Variants in ENPP1 observed in about 807,000 individuals in gnomAD.
ENPP1 encodes ectonucleotide pyrophosphatase/phosphodiesterase family member 1.
ENPP1 carries 73 observed loss-of-function variants against 122.8 expected under a neutral mutation model. The observed-to-expected ratio is 0.59, with a 90% CI of 0.49 to 0.72. The LOEUF (loss-of-function observed/expected upper bound fraction) is 0.72, where lower values mean the gene tolerates loss of function less well. Among genes scored for constraint, ENPP1 ranks in the 30% least tolerant of loss-of-function variants. ENPP1 has a pLI of 0.00. For missense variants in ENPP1, 978 were observed against 1,128.1 expected (o/e 0.87, Z 1.91); for synonymous variants, 367 against 391.6 (o/e 0.94, Z 0.74).
At chr6:131,845,971 T>C (rs1047168859) in intron 1 of ENPP1, among the ~76,000 whole-genome samples, 6 of 152,152 alleles carry the variant, frequency 3.9e-5, no homozygotes, top group African/African-American at 1.2e-4. Context: ...GGCTAACCTT[T>C]TGCTTTCTTT....
In ENPP1 at chr6:131,893,381, A is replaced by AG. The variant is rs1782498100; in HGVS notation, c.*2871dup. 6.6e-6 allele frequency: 1 copy of AG among 152,306 alleles called. No homozygotes were observed. The highest frequency in any genetic ancestry group is 6.5e-5 in the Admixed American group (1 of 15,288). The allele number at this position is 152,306 out of a possible 1,614,324, so 9.4% of individuals were successfully genotyped here. A position where few individuals can be genotyped will look rare whatever the true frequency, so the allele number is the denominator to read the frequency against. ...CAGGAGGGGTGCCAGGCTGCACAAA[A>AG]GAGACACTGGATGCTTCTTGGTAGT... On this transcript the variant is annotated 3_prime_UTR_variant, in exon 25 of 25. Coordinates refer to ENST00000647893, the MANE Select transcript of ENPP1 (RefSeq NM_006208.3).
chr6:131,868,257 T>A, intron 12 of ENPP1, 131 bp downstream of exon 12: 1 of 667,800 alleles, frequency 1.5e-6, no homozygotes, highest in Non-Finnish European at 2.6e-6. Flanking sequence ...GGACAGTCTT[T>A]AGGAAAAAAA....
chr6:131,883,765 AG>A lies in ENPP1; in HGVS notation c.2303del (p.Ser768IlefsTer43), dbSNP rs758195656. 1 of 1,483,202 alleles carries A rather than the reference AG, an allele frequency of 6.7e-7. No homozygotes were observed. The highest frequency in any genetic ancestry group is 9.4e-7 in the Non-Finnish European group (1 of 1,061,428). 91.9% of individuals were successfully genotyped at this position (1,483,202 alleles called of 1,614,324 possible). A position where few individuals can be genotyped will look rare whatever the true frequency, so the allele number is the denominator to read the frequency against. On this transcript the variant is annotated frameshift_variant, in exon 22 of 25. Coordinates refer to ENST00000647893, the MANE Select transcript of ENPP1 (RefSeq NM_006208.3). LOFTEE classifies it high-confidence loss of function. ...LTTNIVPMYQ[S>X]FQVIWRYFHD... is the part of the protein sequence containing the mutation. ...TACAAATATAGTGCCAATGTACCAG[AG>A]TTTTCAAGGTAAATAATGTTAACTC... is the stretch of plus-strand genomic sequence containing the variant.
intron 1 of ENPP1, among the ~76,000 whole-genome samples, chr6:131,816,016 C>T (rs551461526): frequency 6.0e-5 from 9 of 148,994 alleles, no homozygotes; most frequent in Admixed American, 2.0e-4. Context: ...CCACCACGCC[C>T]GGCTGTATCA....
At chr6:131,875,238 T>G (rs1227853441) in intron 16 of ENPP1, among the ~76,000 whole-genome samples, 1 of 152,180 alleles carries the variant, frequency 6.6e-6, no homozygotes, top group Non-Finnish European at 1.5e-5. Flanking sequence ...AAATTTTATA[T>G]TCATGTTTCA....
intron 17 of ENPP1, 110 bp from the exon 18 acceptor site, chr6:131,876,882 G>C (rs1017916810): frequency 1.1e-6 from 1 of 927,168 alleles, no homozygotes; most frequent in South Asian, 1.4e-5. Flanking sequence ...TTTAGTTAAA[G>C]AGTAAATGAC....
chr6:131,858,858 T>C (rs1251597242), intron 7 of ENPP1, 111 bp downstream of exon 7: 2 of 831,602 alleles, frequency 2.4e-6, no homozygotes, highest in Admixed American at 4.0e-5. Context: ...TTCCAATAGG[T>C]AGTTAAGTAA....
chr6:131,814,668 A>G (rs1422780924), intron 1 of ENPP1, among the ~76,000 whole-genome samples: 1 of 152,202 alleles, frequency 6.6e-6, no homozygotes, highest in East Asian at 1.9e-4. Flanking sequence ...TCTGCTCTTA[A>G]TCAGACTTGG....
At chr6:131,864,781 A>T in intron 10 of ENPP1, 85 bp from the exon 11 acceptor site, 1 of 941,554 alleles carries the variant, frequency 1.1e-6, no homozygotes, top group South Asian at 1.3e-5. Flanking sequence ...ATAAAATTTA[A>T]TCCCTATCAA....
intron 20 of ENPP1, 95 bp from the exon 21 acceptor site, chr6:131,882,250 A>G (rs1782320453): frequency 2.8e-6 from 3 of 1,059,624 alleles, no homozygotes; most frequent in African/African-American, 3.2e-5. Context: ...CTAGAGCTTC[A>G]TAATTTTATG....
intron 2 of ENPP1, among the ~76,000 whole-genome samples, chr6:131,848,206 C>G (rs890763214): frequency 1.3e-5 from 2 of 152,038 alleles, no homozygotes; most frequent in South Asian, 2.1e-4. Context: ...CCCTGGGCAA[C>G]CAGAAACCTG....
At chr6:131,811,271 CTGTGTA>C in intron 1 of ENPP1, among the ~76,000 whole-genome samples, 1 of 152,032 alleles carries the variant, frequency 6.6e-6, no homozygotes. Flanking sequence ...ATCTGTGTAT[CTGTGTA>C]TGTGTAAAGG....
rs1350699977 is a variant in ENPP1 at position 131,808,196 on chromosome 6, A to G, written c.161A>G (p.Asp54Gly). The part of the protein sequence containing the change: ...QAAASLLAPM[D>G]VGEEPLEKAA... ...GCCGCGTCCTTGCTGGCCCCTATGG[A>G]CGTGGGGGAGGAGCCGCTGGAGAAG... The change falls in exon 1 of 25, where the codon GAC (aspartate) becomes GGC (glycine). Residue 54 changes from aspartate (D) to glycine (G), a missense_variant. Transcript: ENST00000647893. 1 of 1,505,664 alleles carries G rather than the reference A, an allele frequency of 6.6e-7. No homozygotes were observed. Among genetic ancestry groups the G allele is most frequent in the South Asian group, 1.3e-5 (1 of 79,058 alleles). 93.3% of individuals were successfully genotyped at this position (1,505,664 alleles called of 1,614,324 possible). A position where few individuals can be genotyped will look rare whatever the true frequency, so the allele number is the denominator to read the frequency against.
intron 1 of ENPP1, among the ~76,000 whole-genome samples, chr6:131,835,011 A>G (rs567063486): frequency 3.6e-4 from 55 of 152,340 alleles, no homozygotes; most frequent in African/African-American, 1.3e-3. Context: ...CTTTTTGTTT[A>G]TTGATAAAGG....
Position 131,891,946 on chromosome 6 carries a change from T to C in ENPP1, c.*1435T>C, listed in dbSNP as rs1585850241. ...ATTTTTATATTTTAGTTATTGTATGTTTTATTTCTAAAATTTCCATTCAGT... is the reference window on the plus strand; with the variant it reads ...ATTTTTATATTTTAGTTATTGTATGCTTTATTTCTAAAATTTCCATTCAGT... On this transcript the variant is annotated 3_prime_UTR_variant, in exon 25 of 25. Transcript: ENST00000647893. 6.6e-6 allele frequency: 1 copy of C among 152,164 alleles called. No individual in the cohort carries two copies. Among genetic ancestry groups the C allele is most frequent in the East Asian group, 1.9e-4 (1 of 5,198 alleles). 9.4% of individuals were successfully genotyped at this position (152,164 alleles called of 1,614,324 possible).
At position 131,837,191 on chromosome 6, in the gene ENPP1, TG is replaced by T. The variant is rs1185484647; in HGVS notation, c.241-10584del. ...TTGTCATTGTGTGTGTGTGTGTGTG[TG>T]TGTGTGTGTGTGTGTGTGTGTAGTT... On this transcript the variant is annotated intron_variant, in intron 1 of 24. Transcript: ENST00000647893. Among the ~76,000 whole-genome samples, 1,047 of 151,440 alleles carry T rather than the reference TG, an allele frequency of 6.9e-3. 28 individuals carry two copies. Among genetic ancestry groups the T allele is most frequent in the African/African-American group, 0.024 (1,004 of 41,270 alleles).
intron 1 of ENPP1, among the ~76,000 whole-genome samples, chr6:131,832,259 A>G (rs1412046955): frequency 6.6e-6 from 1 of 152,062 alleles, no homozygotes; most frequent in Non-Finnish European, 1.5e-5. Context: ...TCCACCCTGC[A>G]AATTAGGAGT....
At position 131,808,063 on chromosome 6, in the gene ENPP1, G is replaced by T; in HGVS notation, c.28G>T (p.Gly10Trp). 5 of 994,756 alleles carry T rather than the reference G, an allele frequency of 5.0e-6. No individual in the cohort carries two copies. The highest frequency in any genetic ancestry group is 4.5e-5 in the South Asian group (1 of 22,094). 61.6% of individuals were successfully genotyped at this position (994,756 alleles called of 1,614,324 possible). The change falls in exon 1 of 25, where the codon GGG (glycine) becomes TGG (tryptophan). Residue 10 changes from glycine (G) to tryptophan (W), a missense_variant. Around this residue, in one of 3 missense-constraint regions of ENPP1, gnomAD observed 330 missense variants for 328.5 expected, o/e 1.00. Transcript: ENST00000647893. ...GGAGCGCGACGGCTGCGCGGGGGGC[G>T]GGAGCCGCGGCGGCGAGGGCGGGCG... Reference protein sequence around the residue: MERDGCAGGGSRGGEGGRAP... With the variant: MERDGCAGGWSRGGEGGRAP...
chr6:131,845,966 A>G, intron 1 of ENPP1, among the ~76,000 whole-genome samples: 1 of 152,154 alleles, frequency 6.6e-6, no homozygotes, highest in East Asian at 1.9e-4. Flanking sequence ...AAGAAGGCTA[A>G]CCTTTTGCTT....
Sources: gnomAD v4.1 joint callset for allele counts (sites outside exome capture counted in the v4.1 genomes callset) on GRCh38, gnomAD v4.1.1 for gene constraint, gnomAD v4.1.1 regional missense constraint, MANE v1.5 for transcripts, NCBI Gene and HGNC (gene_info 2026-07-23, HGNC 2026-07-21) for gene names.